The following CPSF1 variants were observed in gnomAD, a reference collection of about 807,000 sequenced individuals.
CPSF1 encodes cleavage and polyadenylation specific factor 1.
In CPSF1, 106 loss-of-function variants were observed where a neutral mutation model predicts 175.8. The ratio of observed to expected loss-of-function variants is 0.60; its 90% CI spans 0.52 to 0.71. The LOEUF (loss-of-function observed/expected upper bound fraction) is 0.71. Ranked by LOEUF, CPSF1 falls within the 30% of genes least tolerant of loss-of-function variation. The pLI is 0.00. For synonymous variants in CPSF1, 1,024 were observed against 858.3 expected, an observed-to-expected ratio of 1.19 and a Z score of -3.37; for missense variants, 1,734 against 2,022.9, an observed-to-expected ratio of 0.86 and a Z score of 2.74.
chr8:144,403,115 G>A (rs1172357127), intron 2 of CPSF1, among the ~76,000 whole-genome samples: 1 of 136,138 alleles, frequency 7.3e-6, no homozygotes, highest in African/African-American at 2.8e-5. Flanking sequence ...TTTTTTTTTT[G>A]AGATGGAGTC....
intron 2 of CPSF1, 21 bp from the exon 3 acceptor site, chr8:144,401,694 G>A: frequency 1.3e-6 from 2 of 1,595,766 alleles, no homozygotes; most frequent in Non-Finnish European, 1.7e-6. Context: ...GAGAAAGACA[G>A]GGCAGTGAGG....
In CPSF1 at chr8:144,406,636, A is replaced by G. The variant is rs2116905828; in HGVS notation, c.144+2379T>C. Among the ~76,000 whole-genome samples the G allele has an allele frequency of 1.1e-4, 16 of 152,286 alleles. No homozygotes were observed. In the South Asian group the frequency reaches 2.7e-3, roughly 26 times the overall value. ...CCTCCATACCAGACCTCAATCCTCAATTCTAGACTCTTGCACACACCCTCC... is the reference window on the plus strand; with the variant it reads ...CCTCCATACCAGACCTCAATCCTCAGTTCTAGACTCTTGCACACACCCTCC... On this transcript the variant is annotated intron_variant, in intron 2 of 37. Coordinates refer to ENST00000616140, the MANE Select transcript of CPSF1 (RefSeq NM_013291.3).
At chr8:144,408,925 G>C (rs782038616) in intron 2 of CPSF1, 90 bp downstream of exon 2, 8 of 1,488,190 alleles carry the variant, frequency 5.4e-6, no homozygotes, top group Admixed American at 1.9e-5. Context: ...CACTCAACTT[G>C]TCTGGGGCTT....
rs1025271492 is a variant in CPSF1 at position 144,408,878 on chromosome 8, T to C, written c.144+137A>G. The C allele has an allele frequency of 7.5e-5, 77 of 1,020,868 alleles. No individual in the cohort carries two copies. In the African/African-American group the frequency reaches 1.2e-3, roughly 16 times the overall value. The allele number at this position is 1,020,868 out of a possible 1,614,324, so 63.2% of individuals were successfully genotyped here. The stretch of plus-strand genomic sequence containing the variant: ...TCTGAGCACAAGAGATTCAGGGTCA[T>C]GTCCTGGCTCCTCAGGCTGAGGAAC... On this transcript the variant is annotated intron_variant, in intron 2 of 37. Coordinates refer to ENST00000616140, the MANE Select transcript of CPSF1 (RefSeq NM_013291.3).
chr8:144,396,772 G>A (rs782424758), intron 24 of CPSF1, 31 bp from the exon 25 acceptor site: 11 of 1,613,038 alleles, frequency 6.8e-6, no homozygotes, highest in Non-Finnish European at 9.3e-6. Flanking sequence ...TCCTCCAGGG[G>A]CTGCCGGTCT....
intron 2 of CPSF1, among the ~76,000 whole-genome samples, chr8:144,405,935 T>C (rs1821477446): frequency 6.6e-6 from 1 of 152,102 alleles, no homozygotes; most frequent in South Asian, 2.1e-4. Context: ...GCTCTTCAAG[T>C]CATCCCTGTC....
In CPSF1 at chr8:144,399,571, G is replaced by T. The variant is rs2116864210; in HGVS notation, c.1242+17C>A. ...CCCACATGAAGGGTGGTGGCCCAAT[G>T]GGCCCAGGAAACCCACCTTGTCGGC... On this transcript the variant is annotated intron_variant, in intron 12 of 37. Transcript: ENST00000616140. The surrounding 1 kb of genome is among the most constrained non-coding windows in gnomAD (Gnocchi z 6.4). 6.2e-7 allele frequency: 1 copy of T among 1,610,770 alleles called. No homozygotes were observed. The highest frequency in any genetic ancestry group is 2.2e-5 in the East Asian group (1 of 44,796).
In CPSF1 at chr8:144,397,196, G is replaced by C; in HGVS notation, c.2592+11C>G. 6.5e-7 allele frequency: 1 copy of C among 1,530,152 alleles called. No homozygotes were observed. Among genetic ancestry groups the C allele is most frequent in the Non-Finnish European group, 8.8e-7 (1 of 1,136,526 alleles). 94.8% of individuals were successfully genotyped at this position (1,530,152 alleles called of 1,614,324 possible). ...AAGATGGGAAGGGGAGGCCAGGCCAGGCGCACTCACCAGCAGGTAGGGCCT... is the reference window on the plus strand; with the variant it reads ...AAGATGGGAAGGGGAGGCCAGGCCACGCGCACTCACCAGCAGGTAGGGCCT... On this transcript the variant is annotated intron_variant, in intron 23 of 37. Coordinates refer to ENST00000616140, the MANE Select transcript of CPSF1 (RefSeq NM_013291.3).
rs1554864239 is a variant in CPSF1, at chr8:144,397,260, T to G, written c.2539A>C (p.Lys847Gln). ...CCCAGCGCCACCAGCAGCACCTCCTTGACGAGGGGCAGCTCCCCCTGGCGC... is the reference window on the plus strand; with the variant it reads ...CCCAGCGCCACCAGCAGCACCTCCTGGACGAGGGGCAGCTCCCCCTGGCGC... The part of the protein sequence containing the change: ...ATRQGELPLV[K>Q]EVLLVALGSR... The change falls in exon 23 of 38, where the codon AAG becomes CAG. Residue 847 changes from lysine (K) to glutamine (Q), a missense_variant. Lys to Gln is a moderately conservative substitution (Grantham distance 53). Transcript: ENST00000616140. 1.3e-6 allele frequency: 2 copies of G among 1,550,236 alleles called. No individual in the cohort carries two copies. Among genetic ancestry groups the G allele is most frequent in the African/African-American group, 1.4e-5 (1 of 73,182 alleles).
intron 23 of CPSF1, 39 bp from the exon 24 acceptor site, chr8:144,396,968 C>A: frequency 1.4e-6 from 2 of 1,481,408 alleles, no homozygotes; most frequent in Non-Finnish European, 1.9e-6. Context: ...ACGGGCAGGG[C>A]CATGGAGAAC....
At position 144,398,598 on chromosome 8, in the gene CPSF1, C is replaced by T. The variant is rs2116852798; in HGVS notation, c.1679G>A (p.Ser560Asn). The T allele has an allele frequency of 3.7e-6, 6 of 1,613,926 alleles. No homozygotes were observed. In the South Asian group the frequency reaches 5.5e-5, roughly 15 times the overall value. Reference protein sequence around the residue: ...PKGEGTEQEPSTTPEADDDGR... With the variant: ...PKGEGTEQEPNTTPEADDDGR... Reference sequence around the variant, plus strand: ...GTCGTCGTCTGCTTCAGGGGTGGTGCTGGGTTCCTGCTCTGTGCCCTCCCC... The same window carrying T: ...GTCGTCGTCTGCTTCAGGGGTGGTGTTGGGTTCCTGCTCTGTGCCCTCCCC... The change falls in exon 18 of 38, where the codon AGC becomes AAC. Residue 560 changes from serine (S) to asparagine (N), a missense_variant. Physicochemically the swap from Ser to Asn is conservative, Grantham distance 46 (BLOSUM62 1). Transcript: ENST00000616140.
In CPSF1 at chr8:144,396,791, C is replaced by T. The variant is rs1554863971; in HGVS notation, c.2682+49G>A. 7 of 1,612,976 alleles carry T rather than the reference C, an allele frequency of 4.3e-6. No homozygotes were observed. The East Asian group carries it at 6.7e-5, about 15-fold the overall frequency. The stretch of plus-strand genomic sequence containing the variant: ...CCAGGGGCTGCCGGTCTGAAACCCA[C>T]ACCTTGTACCACACCCACCCCACGC... On this transcript the variant is annotated intron_variant, in intron 24 of 37. Transcript: ENST00000616140.
At chr8:144,395,861 G>A in intron 26 of CPSF1, 1 of 506,514 alleles carries the variant, frequency 2.0e-6, no homozygotes, top group Admixed American at 3.3e-5. Flanking sequence ...CTGAAAACCA[G>A]GCAGAGGGAG....
intron 26 of CPSF1, chr8:144,395,769 G>A (rs1400814993): frequency 1.7e-5 from 10 of 595,594 alleles, no homozygotes; most frequent in South Asian, 7.9e-5. Context: ...GGCTAGGGGT[G>A]CTGGCCACAG....
chr8:144,398,721 T>A (rs932314085), intron 17 of CPSF1, 58 bp downstream of exon 17: 2 of 1,595,356 alleles, frequency 1.3e-6, no homozygotes, highest in Non-Finnish European at 1.7e-6. Context: ...ACCCCCGGCC[T>A]ATGAGAAGGC....
chr8:144,397,459 C>T (rs1820842413), intron 22 of CPSF1, 28 bp downstream of exon 22: 2 of 1,592,312 alleles, frequency 1.3e-6, no homozygotes, highest in South Asian at 1.1e-5. Flanking sequence ...GTGGAACCCG[C>T]TGGGCCACAG....
In CPSF1 at chr8:144,393,508, G is replaced by T; in HGVS notation, c.4228C>A (p.Leu1410Met). ...DGELLNRYLYLSTMERSELAK... is the reference protein window; with the variant it reads ...DGELLNRYLYMSTMERSELAK... ...AGCTCGCTGCGCTCCATGGTGCTCA[G>T]GTACAGGTAGCGGTTGAGCAGCTCC... Residue 1410 changes from leucine (L) to methionine (M), a missense_variant, in exon 37 of 38, where the codon CTG becomes ATG. By Grantham distance (15) the Leu-to-Met change is conservative. Transcript: ENST00000616140. 6.3e-7 allele frequency: 1 copy of T among 1,588,488 alleles called. No homozygotes were observed. Among genetic ancestry groups the T allele is most frequent in the Non-Finnish European group, 8.6e-7 (1 of 1,169,488 alleles).
At position 144,399,155 on chromosome 8, in the gene CPSF1, C is replaced by T; in HGVS notation, c.1440G>A (p.Val480=). 6.3e-7 allele frequency: 1 copy of T among 1,595,610 alleles called. No individual in the cohort carries two copies. Among genetic ancestry groups the T allele is most frequent in the Non-Finnish European group, 8.5e-7 (1 of 1,171,804 alleles). ...CTTCAGAGAGGAAGGCAGGCTCGCC[C>T]ACGGCGGCATTGGCACAGGGTCCAA... ...LNIGPCANAA[V]GEPAFLSEEF... is the part of the protein sequence containing the mutation. Residue 480 remains valine (V), a synonymous_variant, in exon 15 of 38, where the codon GTG becomes GTA. Coordinates refer to ENST00000616140, the MANE Select transcript of CPSF1 (RefSeq NM_013291.3). This position sits in a 1 kb window ranked among gnomAD's most constrained non-coding sequence, Gnocchi z 6.4.
At chr8:144,401,702 A>G in intron 2 of CPSF1, 29 bp from the exon 3 acceptor site, 1 of 1,593,040 alleles carries the variant, frequency 6.3e-7, no homozygotes. Context: ...CAGGGCAGTG[A>G]GGGGCCACAT....
Sources: gnomAD v4.1 joint callset for allele counts (sites outside exome capture counted in the v4.1 genomes callset) on GRCh38, gnomAD v4.1.1 for gene constraint, Gnocchi (gnomAD v3.1) non-coding constraint, MANE v1.5 for transcripts, NCBI Gene and HGNC (gene_info 2026-07-23, HGNC 2026-07-21) for gene names.